The following DRD3 variants were observed in gnomAD, a reference collection of about 807,000 sequenced individuals.
DRD3 encodes dopamine receptor D3.
DRD3 carries 19 observed loss-of-function variants against 36.3 expected under a neutral mutation model. The ratio of observed to expected loss-of-function variants is 0.52; its 90% CI spans 0.36 to 0.77. The LOEUF (loss-of-function observed/expected upper bound fraction) is 0.77, where lower values mean the gene tolerates loss of function less well. Ranked by LOEUF, DRD3 falls within the 30% of genes least tolerant of loss-of-function variation. DRD3 has a pLI of 0.00. For synonymous variants in DRD3, 195 were observed against 203.7 expected, an observed-to-expected ratio of 0.96 and a Z score of 0.36; for missense variants, 465 against 505.3, an observed-to-expected ratio of 0.92 and a Z score of 0.77.
In DRD3 at chr3:114,159,609, C is replaced by G. The variant is rs1577606615; in HGVS notation, c.383+146G>C. On this transcript the variant is annotated intron_variant, in intron 3 of 6. Coordinates refer to ENST00000383673, the MANE Select transcript of DRD3 (RefSeq NM_000796.6). The stretch of plus-strand genomic sequence containing the variant: ...GCAGGGGTTTCTTCTCACCTGCAAA[C>G]CATACTTTAAAAGAAAAAGAGAGGA... 3.3e-5 allele frequency: 21 copies of G among 630,270 alleles called. No homozygotes were observed. The East Asian group carries it at 6.1e-4, about 18-fold the overall frequency. The allele number at this position is 630,270 out of a possible 1,614,324, so 39.0% of individuals were successfully genotyped here. A position where few individuals can be genotyped will look rare whatever the true frequency, so the allele number is the denominator to read the frequency against.
At chr3:114,150,541 CTG>C (rs1466117883) in intron 3 of DRD3, among the ~76,000 whole-genome samples, 1 of 152,208 alleles carries the variant, frequency 6.6e-6, no homozygotes, top group African/African-American at 2.4e-5. Context: ...TAATAAGAAA[CTG>C]TTAACTGTCT....
Position 114,127,939 on chromosome 3 carries a change from T to G in DRD3, c.*777A>C, listed in dbSNP as rs1011503264. ...TCTAAGGTATGTTCTGAACCATAAG[T>G]TTCAACAGTGAAACTACAATGGGAT... is the stretch of plus-strand genomic sequence containing the variant. On this transcript the variant is annotated 3_prime_UTR_variant, in exon 7 of 7. Coordinates refer to ENST00000383673, the MANE Select transcript of DRD3 (RefSeq NM_000796.6). Among the ~76,000 whole-genome samples, 4 of 152,190 alleles carry G rather than the reference T, an allele frequency of 2.6e-5. No homozygotes were observed. The highest frequency in any genetic ancestry group is 2.1e-4 in the South Asian group (1 of 4,832).
chr3:114,131,523 A>G (rs2077431070), intron 5 of DRD3, 123 bp from the exon 6 acceptor site: 1 of 1,322,196 alleles, frequency 7.6e-7, no homozygotes, highest in Non-Finnish European at 1.0e-6. Flanking sequence ...GAAACCTACA[A>G]AGGGAACATC....
chr3:114,139,717 G>T, intron 4 of DRD3, 21 bp from the exon 5 acceptor site: 1 of 1,610,348 alleles, frequency 6.2e-7, no homozygotes, highest in Middle Eastern at 1.7e-4. Context: ...GAAGGGGGAA[G>T]GTAAAGCAGT....
Position 114,131,210 on chromosome 3 carries a change from C to T in DRD3, c.914G>A (p.Arg305Lys), listed in dbSNP as rs1396698861. 1 of 1,614,226 alleles carries T rather than the reference C, an allele frequency of 6.2e-7. No individual in the cohort carries two copies. Among genetic ancestry groups the T allele is most frequent in the South Asian group, 1.1e-5 (1 of 91,082 alleles). The change falls in exon 6 of 7, where the codon AGA becomes AAA. Residue 305 changes from arginine (R) to lysine (K), a missense_variant. Arg to Lys is a conservative substitution (Grantham distance 26). Transcript: ENST00000383673. ...CCCCAGCTTCAAAGATGTCGATAAT[C>T]TGCCATTGCTGAGTTTTCGAACTTC... ...SLEVRKLSNG[R>K]LSTSLKLGPL...
intron 3 of DRD3, among the ~76,000 whole-genome samples, chr3:114,156,712 C>CCTGTCTGT (rs1283116638): frequency 3.5e-5 from 2 of 57,758 alleles, no homozygotes; most frequent in East Asian, 4.7e-4. Context: ...ATATGGCTTG[C>CCTGTCTGT]CTGTCTTTCT....
intron 2 of DRD3, among the ~76,000 whole-genome samples, chr3:114,169,549 C>T (rs2077819235): frequency 6.6e-6 from 1 of 151,874 alleles, no homozygotes; most frequent in Non-Finnish European, 1.5e-5. Context: ...CATGAAATAA[C>T]CTGTTGGACA....
chr3:114,167,468 A>C (rs2077796792), intron 2 of DRD3, among the ~76,000 whole-genome samples: 2 of 152,216 alleles, frequency 1.3e-5, no homozygotes, highest in Admixed American at 1.3e-4. Context: ...AAACTGAATT[A>C]AGCAGATAGC....
At chr3:114,163,613 A>T (rs549295993) in intron 2 of DRD3, among the ~76,000 whole-genome samples, 1 of 152,294 alleles carries the variant, frequency 6.6e-6, no homozygotes, top group East Asian at 1.9e-4. Flanking sequence ...CTCTATTCTA[A>T]TATCATAGGA....
At chr3:114,190,479 TTTTTTTTTTTTTTTTTTTTTTTTA>T in intron 1 of DRD3, among the ~76,000 whole-genome samples, 2 of 57,120 alleles carry the variant, frequency 3.5e-5, no homozygotes, top group African/African-American at 1.5e-4. Flanking sequence ...TTTTTTTTTT[TTTTTTTTTTTTTTTTTTTTTTTTA>T]CAGAGCAAAC....
At chr3:114,157,548 A>G (rs573932808) in intron 3 of DRD3, among the ~76,000 whole-genome samples, 29 of 152,310 alleles carry the variant, frequency 1.9e-4, no homozygotes, top group Admixed American at 7.8e-4. Context: ...TCTAGAGGTC[A>G]TAGCACAGGC....
intron 4 of DRD3, among the ~76,000 whole-genome samples, chr3:114,146,457 C>T (rs1465502974): frequency 6.6e-6 from 1 of 152,080 alleles, no homozygotes; most frequent in Non-Finnish European, 1.5e-5. Flanking sequence ...GTGGCTCACA[C>T]TTGTAATCCC....
intron 2 of DRD3, among the ~76,000 whole-genome samples, chr3:114,161,506 C>T (rs554231859): frequency 3.3e-5 from 5 of 152,258 alleles, no homozygotes; most frequent in South Asian, 2.1e-4. Flanking sequence ...TCATTTTATT[C>T]CTGTGCTTGG....
intron 3 of DRD3, among the ~76,000 whole-genome samples, chr3:114,152,960 C>T (rs1198857859): frequency 6.6e-6 from 1 of 152,248 alleles, no homozygotes; most frequent in Non-Finnish European, 1.5e-5. Flanking sequence ...TCGCACTGTG[C>T]GCGCCGCCCC....
chr3:114,196,359 G>A (rs1283187673), intron 1 of DRD3, among the ~76,000 whole-genome samples: 3 of 151,978 alleles, frequency 2.0e-5, no homozygotes, highest in African/African-American at 7.3e-5. Flanking sequence ...CTGTCACCCA[G>A]GCTGGAGTGC....
At chr3:114,169,503 A>G (rs2077818792) in intron 2 of DRD3, among the ~76,000 whole-genome samples, 1 of 151,886 alleles carries the variant, frequency 6.6e-6, no homozygotes, top group African/African-American at 2.4e-5. Context: ...GTTAAGATCA[A>G]ATGTAAAAAT....
intron 1 of DRD3, among the ~76,000 whole-genome samples, chr3:114,188,273 G>A (rs1026006877): frequency 3.5e-5 from 5 of 144,230 alleles, no homozygotes; most frequent in African/African-American, 1.3e-4. Context: ...GAGTGCAATG[G>A]TGAGATCTCA....
intron 1 of DRD3, among the ~76,000 whole-genome samples, chr3:114,198,039 A>G (rs911775071): frequency 1.3e-5 from 2 of 152,196 alleles, no homozygotes; most frequent in Non-Finnish European, 2.9e-5. Context: ...TAGATCTTCT[A>G]TATAAATCTA....
At chr3:114,155,669 C>G (rs757915678) in intron 3 of DRD3, among the ~76,000 whole-genome samples, 4 of 151,816 alleles carry the variant, frequency 2.6e-5, no homozygotes, top group Admixed American at 6.6e-5. Context: ...ATTTCCACAC[C>G]CTTGCGCAGG....
Sources: gnomAD v4.1 joint callset for allele counts (sites outside exome capture counted in the v4.1 genomes callset) on GRCh38, gnomAD v4.1.1 for gene constraint, MANE v1.5 for transcripts, NCBI Gene and HGNC (gene_info 2026-07-23, HGNC 2026-07-21) for gene names.